Variants in NAALADL2 observed in about 807,000 individuals in gnomAD.
NAALADL2 encodes inactive N-acetylated-alpha-linked acidic dipeptidase-like protein 2.
NAALADL2 carries 76 observed loss-of-function variants against 87.2 expected under a neutral mutation model. The ratio of observed to expected loss-of-function variants is 0.87; its 90% confidence interval spans 0.72 to 1.05. The LOEUF (loss-of-function observed/expected upper bound fraction) is 1.05. Among genes scored for constraint, NAALADL2 ranks in the 50% least tolerant of loss-of-function variants. NAALADL2 has a pLI of 0.00. For missense variants in NAALADL2, 1,089 were observed against 945.8 expected (o/e 1.15, Z -1.99); for synonymous variants, 354 against 331.0 (o/e 1.07, Z -0.75).
intron 3 of NAALADL2, among the ~76,000 whole-genome samples, chr3:174,769,968 C>G (rs1560210011): frequency 7.2e-6 from 1 of 139,312 alleles, no homozygotes; most frequent in Non-Finnish European, 1.6e-5. Context: ...TGCTTTTTCA[C>G]AAATAATACA....
At chr3:174,959,276 G>A (rs1741624637) in intron 1 of NAALADL2, among the ~76,000 whole-genome samples, 1 of 151,976 alleles carries the variant, frequency 6.6e-6, no homozygotes, top group South Asian at 2.1e-4. Context: ...ACTATTCACG[G>A]GGCTATGTCA....
At chr3:175,149,974 G>C (rs1312458190) in intron 2 of NAALADL2, among the ~76,000 whole-genome samples, 1 of 152,122 alleles carries the variant, frequency 6.6e-6, no homozygotes, top group African/African-American at 2.4e-5. Flanking sequence ...CTGAATTCTA[G>C]AGAGCCATAA....
chr3:175,178,373 T>C (rs1009263530), intron 2 of NAALADL2, among the ~76,000 whole-genome samples: 1 of 152,054 alleles, frequency 6.6e-6, no homozygotes, highest in Non-Finnish European at 1.5e-5. Context: ...CTTTAATCAA[T>C]GTCAGATAAA....
chr3:174,809,695 A>G (rs535560056), intron 3 of NAALADL2, among the ~76,000 whole-genome samples: 1 of 152,214 alleles, frequency 6.6e-6, no homozygotes, highest in African/African-American at 2.4e-5. Flanking sequence ...AATAGATGAT[A>G]TTTAAGTAAC....
Position 175,677,371 on chromosome 3 carries a change from T to A in NAALADL2, c.1896+49985T>A, listed in dbSNP as rs1451898949. ...AGTGAGACTCTGTCAAAAAAAAAAA[T>A]AAATAAAAATAACATAAAGAACTGC... is the stretch of plus-strand genomic sequence containing the variant. On this transcript the variant is annotated intron_variant, in intron 11 of 13. Transcript: ENST00000454872. 2.2e-4 allele frequency among the ~76,000 whole-genome samples: 34 copies of A among 151,294 alleles called. No individual in the cohort carries two copies. The South Asian group carries it at 5.0e-3, about 22-fold the overall frequency.
intron 9 of NAALADL2, among the ~76,000 whole-genome samples, chr3:175,561,153 G>A (rs1716211130): frequency 1.3e-5 from 2 of 152,054 alleles, no homozygotes; most frequent in African/African-American, 4.8e-5. Context: ...ACAGTTATTG[G>A]AGCATTGGTT....
At chr3:175,246,938 G>T (rs1748101670) in intron 3 of NAALADL2, among the ~76,000 whole-genome samples, 1 of 152,164 alleles carries the variant, frequency 6.6e-6, no homozygotes, top group Admixed American at 6.5e-5. Context: ...GCCTTTGCCA[G>T]CAGTCTTGTG....
chr3:175,006,886 T>C (rs548954443), intron 1 of NAALADL2, among the ~76,000 whole-genome samples: 1 of 151,482 alleles, frequency 6.6e-6, no homozygotes, highest in Non-Finnish European at 1.5e-5. Flanking sequence ...TTATGCATTC[T>C]TATACGTATA....
intron 2 of NAALADL2, among the ~76,000 whole-genome samples, chr3:175,233,708 GATCACAGGC>G (rs1423812186): frequency 6.6e-6 from 1 of 152,062 alleles, no homozygotes; most frequent in Non-Finnish European, 1.5e-5. Context: ...AAAGTTCTGG[GATCACAGGC>G]ATGAGCTACC....
intron 2 of NAALADL2, among the ~76,000 whole-genome samples, chr3:174,610,993 G>A (rs375580021): frequency 4.5e-4 from 69 of 152,134 alleles, no homozygotes; most frequent in African/African-American, 1.7e-3. Flanking sequence ...CCATAAAAAA[G>A]GATGAGTTCA....
chr3:175,591,782 GTGTATATATATATA>G (rs1323426872), intron 10 of NAALADL2, among the ~76,000 whole-genome samples: 1 of 20,526 alleles, frequency 4.9e-5, no homozygotes. Context: ...GTGTGTGTGT[GTGTATATATATATA>G]TATATATATA....
intron 6 of NAALADL2, among the ~76,000 whole-genome samples, chr3:175,455,513 A>G (rs1722198811): frequency 6.6e-6 from 1 of 152,098 alleles, no homozygotes; most frequent in Non-Finnish European, 1.5e-5. Flanking sequence ...CGTATTATTT[A>G]AAATGTCTTC....
At chr3:175,373,078 A>G (rs1443321964) in intron 5 of NAALADL2, among the ~76,000 whole-genome samples, 2 of 152,200 alleles carry the variant, frequency 1.3e-5, no homozygotes, top group South Asian at 2.1e-4. Context: ...TGAACATGCA[A>G]CCAATCAAAG....
At chr3:175,724,019 A>G (rs1366305849) in intron 11 of NAALADL2, among the ~76,000 whole-genome samples, 1 of 152,110 alleles carries the variant, frequency 6.6e-6, no homozygotes, top group Non-Finnish European at 1.5e-5. Context: ...TTCTTTGCTA[A>G]TAGCATCCAA....
chr3:174,528,115 T>C (rs1720928951), intron 1 of NAALADL2, among the ~76,000 whole-genome samples: 1 of 152,196 alleles, frequency 6.6e-6, no homozygotes, highest in South Asian at 2.1e-4. Flanking sequence ...AAAAAGCTTG[T>C]GAATCTAAAT....
chr3:174,448,833 G>A (rs1715259166), intron 1 of NAALADL2, among the ~76,000 whole-genome samples: 1 of 152,166 alleles, frequency 6.6e-6, no homozygotes, highest in African/African-American at 2.4e-5. Flanking sequence ...GTGTCTTATT[G>A]CCCAGATGTA....
At chr3:174,945,620 G>T (rs1739294962) in intron 1 of NAALADL2, among the ~76,000 whole-genome samples, 1 of 152,124 alleles carries the variant, frequency 6.6e-6, no homozygotes, top group South Asian at 2.1e-4. Context: ...TTGAATAAAT[G>T]ACATTTGAAC....
intron 1 of NAALADL2, among the ~76,000 whole-genome samples, chr3:174,933,852 G>C (rs1187777647): frequency 6.6e-6 from 1 of 152,112 alleles, no homozygotes; most frequent in African/African-American, 2.4e-5. Flanking sequence ...ACAACATTGG[G>C]CTTTGGAACT....
chr3:175,655,440 C>T (rs13101173), intron 11 of NAALADL2: 48 of 326,986 alleles, frequency 1.5e-4, no homozygotes, highest in Middle Eastern at 7.8e-4. Context: ...CCAAACAATG[C>T]GTTATTATTA....
Sources: allele counts gnomAD v4.1 joint callset (sites outside exome capture counted in the v4.1 genomes callset), GRCh38; gene constraint gnomAD v4.1.1; transcripts MANE v1.5; gene names NCBI Gene and HGNC (gene_info 2026-07-23, HGNC 2026-07-21).